Variants in ARB2A observed in about 807,000 individuals in gnomAD.
The protein encoded by ARB2A is cotranscriptional regulator ARB2A.
the ARB2A span, among the ~76,000 whole-genome samples, chr5:93,947,583 G>C: frequency 6.6e-6 from 1 of 150,682 alleles, no homozygotes; most frequent in East Asian, 2.0e-4. Context: ...AGTTACGTAT[G>C]TATACATGTG....
the ARB2A span, among the ~76,000 whole-genome samples, chr5:93,844,346 A>G: frequency 6.6e-6 from 1 of 151,998 alleles, no homozygotes; most frequent in Non-Finnish European, 1.5e-5. Flanking sequence ...TGGGAGGCTG[A>G]GGTAGGAGGA....
At chr5:94,061,506 T>A in the ARB2A span, among the ~76,000 whole-genome samples, 2 of 152,150 alleles carry the variant, frequency 1.3e-5, no homozygotes, top group East Asian at 3.9e-4. Flanking sequence ...GATAGAAACA[T>A]TATCCAATTT....
the ARB2A span, among the ~76,000 whole-genome samples, chr5:94,001,532 T>C: frequency 6.6e-6 from 1 of 152,092 alleles, no homozygotes; most frequent in Non-Finnish European, 1.5e-5. Context: ...TTTTGCTTTT[T>C]AGTTTTGGGG....
chr5:93,741,176 C>T, the ARB2A span: 2 of 1,613,874 alleles, frequency 1.2e-6, no homozygotes, highest in Middle Eastern at 1.6e-4. Context: ...AACTCCTTGG[C>T]CAATTGCTGC....
chr5:93,672,661 G>T, the ARB2A span, among the ~76,000 whole-genome samples: 1 of 151,368 alleles, frequency 6.6e-6, no homozygotes, highest in Non-Finnish European at 1.5e-5. Flanking sequence ...AGATAAAGAA[G>T]AAAAAACAAT....
chr5:93,990,098 T>C, the ARB2A span, among the ~76,000 whole-genome samples: 3 of 152,086 alleles, frequency 2.0e-5, no homozygotes, highest in African/African-American at 7.2e-5. Flanking sequence ...AAAAAAGTTA[T>C]AAATCAGACA....
the ARB2A span, among the ~76,000 whole-genome samples, chr5:94,087,279 G>A: frequency 5.9e-5 from 9 of 151,998 alleles, no homozygotes; most frequent in African/African-American, 1.2e-4. Flanking sequence ...ATGGTGACGC[G>A]CTTTGTAATC....
chr5:93,821,855 A>G, the ARB2A span, among the ~76,000 whole-genome samples: 1 of 151,844 alleles, frequency 6.6e-6, no homozygotes, highest in African/African-American at 2.4e-5. Flanking sequence ...ATTTGCCACC[A>G]TCCGTATGCT....
the ARB2A span, among the ~76,000 whole-genome samples, chr5:93,806,554 T>C: frequency 1.3e-5 from 2 of 152,004 alleles, no homozygotes; most frequent in African/African-American, 4.8e-5. Context: ...TATATATTGC[T>C]GAAACTTTTA....
chr5:93,663,624 G>A, the ARB2A span, among the ~76,000 whole-genome samples: 2 of 152,116 alleles, frequency 1.3e-5, no homozygotes, highest in Admixed American at 6.5e-5. Flanking sequence ...CATGTACGAC[G>A]ATGGAATGGG....
chr5:93,749,154 A>T, the ARB2A span, among the ~76,000 whole-genome samples: 3 of 151,836 alleles, frequency 2.0e-5, no homozygotes, highest in African/African-American at 7.3e-5. Flanking sequence ...TCTTTACTGC[A>T]CTGTCATGTG....
At chr5:93,823,605 G>T in the ARB2A span, among the ~76,000 whole-genome samples, 2 of 152,144 alleles carry the variant, frequency 1.3e-5, no homozygotes, top group African/African-American at 4.8e-5. Context: ...ATCATGAAAT[G>T]TATGGAAACT....
chr5:93,690,625 A>C, the ARB2A span, among the ~76,000 whole-genome samples: 1 of 152,092 alleles, frequency 6.6e-6, no homozygotes, highest in African/African-American at 2.4e-5. Context: ...CTGTGGGTGC[A>C]GCTTCAGCAG....
chr5:93,678,772 T>A, the ARB2A span, among the ~76,000 whole-genome samples: 1 of 150,208 alleles, frequency 6.7e-6, no homozygotes, highest in East Asian at 2.0e-4. Flanking sequence ...AAAAAAGCAA[T>A]ATAACTGAGG....
chr5:93,926,369 G>A, the ARB2A span, among the ~76,000 whole-genome samples: 27 of 152,132 alleles, frequency 1.8e-4, no homozygotes, highest in East Asian at 4.5e-3. Context: ...CTGACCTCAG[G>A]TGATCTGCCC....
the ARB2A span, chr5:93,618,888 T>C: frequency 2.0e-5 from 3 of 152,212 alleles, no homozygotes; most frequent in Non-Finnish European, 4.4e-5. Context: ...ATAGCAGTGA[T>C]TTGGTTTATA....
chr5:94,055,493 G>A, the ARB2A span, among the ~76,000 whole-genome samples: 1 of 151,988 alleles, frequency 6.6e-6, no homozygotes, highest in African/African-American at 2.4e-5. Flanking sequence ...AAGAACCACT[G>A]TTTAGCACTC....
At chr5:93,719,024 A>T in the ARB2A span, among the ~76,000 whole-genome samples, 1 of 152,202 alleles carries the variant, frequency 6.6e-6, no homozygotes, top group African/African-American at 2.4e-5. Flanking sequence ...TTCTGTAGAC[A>T]TCCTATCATT....
chr5:93,732,941 T>C, the ARB2A span, among the ~76,000 whole-genome samples: 1 of 152,072 alleles, frequency 6.6e-6, no homozygotes, highest in East Asian at 1.9e-4. Flanking sequence ...TTTTTCTCTA[T>C]GTAATATATC....
Sources: gnomAD v4.1 joint callset for allele counts (sites outside exome capture counted in the v4.1 genomes callset) on GRCh38, gnomAD v4.1.1 for gene constraint, MANE v1.5 for transcripts, NCBI Gene and HGNC (gene_info 2026-07-23, HGNC 2026-07-21) for gene names.